The following PLCB1 variants were observed in gnomAD, a reference collection of about 807,000 sequenced individuals.
PLCB1 encodes phospholipase C beta 1, also known as 1-phosphatidylinositol 4,5-bisphosphate phosphodiesterase beta-1.
In PLCB1, 46 loss-of-function variants were observed where a neutral mutation model predicts 161.8. The ratio of observed to expected loss-of-function variants is 0.28; its 90% confidence interval spans 0.22 to 0.36. The LOEUF is 0.36. PLCB1 is among the 10% of genes least tolerant of loss of function. The probability of loss-of-function intolerance (pLI) is 1.00; values close to 1 mark genes in which losing one functional copy is unlikely to be tolerated. For synonymous variants in PLCB1, 517 were observed against 503.7 expected (o/e 1.03, Z -0.35); for missense variants, 1,016 against 1,472.5 (o/e 0.69, Z 5.07).
At position 8,464,600 on chromosome 20, in the gene PLCB1, C is replaced by T. The variant is rs540510611; in HGVS notation, c.246+93150C>T. Among the ~76,000 whole-genome samples, 3 of 152,272 alleles carry T rather than the reference C, an allele frequency of 2.0e-5. No individual in the cohort carries two copies. The South Asian group carries it at 6.2e-4, about 32-fold the overall frequency. Reference sequence around the variant, plus strand: ...AGCAGGCATAGGCCAAGGTAAACAACCTGGATGACTCAGCAGGTTTGTGGT... The same window carrying T: ...AGCAGGCATAGGCCAAGGTAAACAATCTGGATGACTCAGCAGGTTTGTGGT... On this transcript the variant is annotated intron_variant, in intron 3 of 31. Coordinates refer to ENST00000338037, the MANE Select transcript of PLCB1 (RefSeq NM_015192.4).
chr20:8,458,611 C>G (rs879853042), intron 3 of PLCB1, among the ~76,000 whole-genome samples: 19 of 152,180 alleles, frequency 1.2e-4, no homozygotes, highest in African/African-American at 3.9e-4. Flanking sequence ...GAAACAGAGA[C>G]TTGGGGGCAT....
intron 31 of PLCB1, among the ~76,000 whole-genome samples, chr20:8,880,205 T>C (rs1282025946): frequency 3.3e-5 from 5 of 152,188 alleles, no homozygotes; most frequent in African/African-American, 1.2e-4. Context: ...TCAAGGATTA[T>C]TCTCCCTGCT....
chr20:8,481,567 G>C (rs1982498824), intron 3 of PLCB1, among the ~76,000 whole-genome samples: 1 of 152,116 alleles, frequency 6.6e-6, no homozygotes, highest in South Asian at 2.1e-4. Context: ...TTCTGCCTTG[G>C]CTGTATATTT....
chr20:8,437,778 A>T (rs2122600246), intron 3 of PLCB1, among the ~76,000 whole-genome samples: 1 of 152,340 alleles, frequency 6.6e-6, no homozygotes, highest in Admixed American at 6.5e-5. Flanking sequence ...CCTTCAAGAC[A>T]GTGAGCAAGG....
chr20:8,531,886 T>C (rs947903189), intron 3 of PLCB1, among the ~76,000 whole-genome samples: 1 of 148,642 alleles, frequency 6.7e-6, no homozygotes, highest in Non-Finnish European at 1.5e-5. Flanking sequence ...GCAGAAATAA[T>C]TTTGTTTCAT....
chr20:8,440,085 A>G (rs1394317131), intron 3 of PLCB1, among the ~76,000 whole-genome samples: 2 of 152,186 alleles, frequency 1.3e-5, no homozygotes, highest in African/African-American at 2.4e-5. Context: ...AGTTATGCAT[A>G]CTCAGAGCTT....
chr20:8,238,070 T>C (rs1980417181), intron 2 of PLCB1, among the ~76,000 whole-genome samples: 1 of 152,102 alleles, frequency 6.6e-6, no homozygotes, highest in African/African-American at 2.4e-5. Flanking sequence ...CTTTTCCATG[T>C]GAGTTATGCA....
intron 3 of PLCB1, among the ~76,000 whole-genome samples, chr20:8,430,660 A>G (rs1421832473): frequency 1.3e-5 from 2 of 152,216 alleles, no homozygotes; most frequent in African/African-American, 2.4e-5. Context: ...ATTCTTCATC[A>G]AAAGAAAGAA....
rs190276617 is a variant in PLCB1 at position 8,603,054 on chromosome 20, T to G, written c.247-25240T>G. On this transcript the variant is annotated intron_variant, in intron 3 of 31. Transcript: ENST00000338037. ...GTTTGTACAGCAGGATGATTTGCAT[T>G]ATATGAAGGACACCGAAACACAGAA... Among the ~76,000 whole-genome samples, 293 of 152,304 alleles carry G rather than the reference T, an allele frequency of 1.9e-3. 4 individuals are homozygous for G. Among genetic ancestry groups the G allele is most frequent in the African/African-American group, 6.7e-3 (279 of 41,558 alleles).
At chr20:8,349,605 G>A (rs1986114522) in intron 2 of PLCB1, among the ~76,000 whole-genome samples, 1 of 152,194 alleles carries the variant, frequency 6.6e-6, no homozygotes, top group Admixed American at 6.5e-5. Flanking sequence ...TTTTGCTTAA[G>A]CAAAAACATT....
At chr20:8,700,336 G>A (rs893414567) in intron 11 of PLCB1, among the ~76,000 whole-genome samples, 7 of 152,224 alleles carry the variant, frequency 4.6e-5, no homozygotes, top group African/African-American at 1.7e-4. Context: ...TGAGTTCCTT[G>A]TGGGAGAATA....
chr20:8,570,238 T>C (rs1986462114), intron 3 of PLCB1, among the ~76,000 whole-genome samples: 1 of 152,110 alleles, frequency 6.6e-6, no homozygotes, highest in Non-Finnish European at 1.5e-5. Context: ...AACCCAAAAC[T>C]GTGGCTGGGG....
At chr20:8,602,008 G>T (rs1457697201) in intron 3 of PLCB1, among the ~76,000 whole-genome samples, 1 of 152,050 alleles carries the variant, frequency 6.6e-6, no homozygotes, top group Admixed American at 6.6e-5. Context: ...GGTCTTGATG[G>T]CTTCCACATT....
At chr20:8,608,464 G>A (rs1199237280) in intron 3 of PLCB1, among the ~76,000 whole-genome samples, 1 of 152,100 alleles carries the variant, frequency 6.6e-6, no homozygotes, top group Non-Finnish European at 1.5e-5. Flanking sequence ...TACCCACAGG[G>A]CAAACTTGTT....
At chr20:8,191,905 C>A (rs748612020) in intron 2 of PLCB1, among the ~76,000 whole-genome samples, 6 of 151,898 alleles carry the variant, frequency 4.0e-5, no homozygotes, top group Non-Finnish European at 8.8e-5. Flanking sequence ...CTTTCACATA[C>A]CACTTGTAAA....
chr20:8,249,971 C>T (rs1470456911), intron 2 of PLCB1, among the ~76,000 whole-genome samples: 1 of 151,942 alleles, frequency 6.6e-6, no homozygotes, highest in African/African-American at 2.4e-5. Context: ...AACTGAGGCT[C>T]AAGCCTGTTG....
intron 3 of PLCB1, among the ~76,000 whole-genome samples, chr20:8,555,804 C>T (rs943756008): frequency 1.6e-4 from 25 of 152,028 alleles, no homozygotes; most frequent in Middle Eastern, 3.2e-3. Context: ...GGAGAATAGA[C>T]TATAATTTCC....
chr20:8,674,707 T>C (rs951580626), intron 9 of PLCB1, among the ~76,000 whole-genome samples: 3 of 152,164 alleles, frequency 2.0e-5, no homozygotes, highest in Non-Finnish European at 2.9e-5. Flanking sequence ...ATCAGGCTTG[T>C]CTGCGGTTTC....
At chr20:8,709,296 A>G (rs1978864259) in intron 12 of PLCB1, among the ~76,000 whole-genome samples, 1 of 152,248 alleles carries the variant, frequency 6.6e-6, no homozygotes, top group South Asian at 2.1e-4. Flanking sequence ...TTGCTGAGCT[A>G]CACAAAGAAA....
Sources: allele counts gnomAD v4.1 joint callset (sites outside exome capture counted in the v4.1 genomes callset), GRCh38; gene constraint gnomAD v4.1.1; transcripts MANE v1.5; gene names NCBI Gene and HGNC (gene_info 2026-07-23, HGNC 2026-07-21).